The following DISC1 variants were observed in gnomAD, a reference collection of about 807,000 sequenced individuals.
DISC1 encodes disrupted in schizophrenia 1 protein.
In DISC1, 57 loss-of-function variants were observed where a neutral mutation model predicts 84.5. The observed-to-expected ratio is 0.67, with a 90% CI of 0.55 to 0.84. The LOEUF is 0.84. DISC1 is among the 40% of genes least tolerant of loss of function. The pLI is 0.00. For synonymous variants in DISC1, 411 were observed against 415.2 expected (o/e 0.99, Z 0.12); for missense variants, 1,000 against 1,057.8 (o/e 0.95, Z 0.76).
At chr1:231,916,668 AAAAAAG>A (rs1363639699) in intron 9 of DISC1, among the ~76,000 whole-genome samples, 6 of 151,874 alleles carry the variant, frequency 4.0e-5, no homozygotes, top group African/African-American at 1.4e-4. Flanking sequence ...AAAAAAAAAA[AAAAAAG>A]AAAGTTCCGA....
At chr1:231,932,011 T>TG (rs1349191650) in intron 9 of DISC1, among the ~76,000 whole-genome samples, 3 of 151,948 alleles carry the variant, frequency 2.0e-5, no homozygotes, top group Non-Finnish European at 2.9e-5. Flanking sequence ...TTTGCATACG[T>TG]GTTTTTTGCT....
At chr1:231,845,478 GA>G (rs1285578539) in intron 9 of DISC1, among the ~76,000 whole-genome samples, 1 of 152,166 alleles carries the variant, frequency 6.6e-6, no homozygotes, top group East Asian at 1.9e-4. Context: ...GGGGAACACA[GA>G]ATTGCCAGGT....
At chr1:232,033,500 G>A (rs1212391965) in intron 12 of DISC1, among the ~76,000 whole-genome samples, 2 of 152,136 alleles carry the variant, frequency 1.3e-5, no homozygotes, top group Admixed American at 6.6e-5. Flanking sequence ...GTCCTCCCAC[G>A]GCTCCTCCCA....
chr1:231,786,880 C>T (rs772456365), intron 6 of DISC1, among the ~76,000 whole-genome samples: 1 of 152,208 alleles, frequency 6.6e-6, no homozygotes, highest in Non-Finnish European at 1.5e-5. Context: ...TGGCAGGATG[C>T]AGCCTCCTGG....
At chr1:231,773,572 G>T (rs1048114934) in intron 6 of DISC1, among the ~76,000 whole-genome samples, 1 of 152,080 alleles carries the variant, frequency 6.6e-6, no homozygotes. Flanking sequence ...TTTTAGTAGA[G>T]ACAGGGTTTC....
At chr1:231,972,399 C>A (rs971345981) in intron 10 of DISC1, among the ~76,000 whole-genome samples, 2 of 152,140 alleles carry the variant, frequency 1.3e-5, no homozygotes, top group Admixed American at 6.5e-5. Flanking sequence ...GACTATGAAG[C>A]CTTTCAACTG....
At chr1:231,743,311 A>G (rs1415122328) in intron 3 of DISC1, among the ~76,000 whole-genome samples, 2 of 152,228 alleles carry the variant, frequency 1.3e-5, no homozygotes, top group African/African-American at 2.4e-5. Flanking sequence ...CTTATGATGT[A>G]GATACTATTA....
intron 11 of DISC1, among the ~76,000 whole-genome samples, chr1:232,024,148 G>A (rs1669228787): frequency 6.6e-6 from 1 of 151,670 alleles, no homozygotes; most frequent in Non-Finnish European, 1.5e-5. Flanking sequence ...AAACCTTCAA[G>A]GGTGCTTCAC....
chr1:232,018,947 C>G (rs1668713920), intron 11 of DISC1, among the ~76,000 whole-genome samples: 1 of 152,152 alleles, frequency 6.6e-6, no homozygotes, highest in African/African-American at 2.4e-5. Flanking sequence ...CTTCCTGGCT[C>G]TTTATACTTG....
At chr1:231,989,047 A>C (rs1185483228) in intron 10 of DISC1, among the ~76,000 whole-genome samples, 1 of 152,134 alleles carries the variant, frequency 6.6e-6, no homozygotes, top group African/African-American at 2.4e-5. Flanking sequence ...CCTTTCATCC[A>C]TGTGGCTCTC....
At position 232,037,443 on chromosome 1, in the gene DISC1, C is replaced by A. The variant is rs1372465428; in HGVS notation, c.*612C>A. 1 of 152,214 alleles carries A rather than the reference C, an allele frequency of 6.6e-6. No homozygotes were observed. The highest frequency in any genetic ancestry group is 1.5e-5 in the Non-Finnish European group (1 of 68,050). 9.4% of individuals were successfully genotyped at this position (152,214 alleles called of 1,614,324 possible). ...ACAACAACCTCCCAGTGATATGCCA[C>A]CTTTCAATTTTCCTTTTGTGGCAAT... On this transcript the variant is annotated 3_prime_UTR_variant, in exon 13 of 13. Transcript: ENST00000439617.
At chr1:231,722,871 C>A in intron 3 of DISC1, 3 of 1,387,470 alleles carry the variant, frequency 2.2e-6, no homozygotes, top group Non-Finnish European at 2.8e-6. Context: ...CCTGTCATGG[C>A]ATGAAAAAAC....
rs529257748 is a variant in DISC1 at position 231,906,389 on chromosome 1, G to A, written c.1982-52439G>A. On this transcript the variant is annotated intron_variant, in intron 9 of 12. Transcript: ENST00000439617. ...AGTACAATGCCTGATATTTTTGCCTGTTCTTGAGGATAGCATCCCTACTAT... is the reference window on the plus strand; with the variant it reads ...AGTACAATGCCTGATATTTTTGCCTATTCTTGAGGATAGCATCCCTACTAT... Among the ~76,000 whole-genome samples, 3 of 152,290 alleles carry A rather than the reference G, an allele frequency of 2.0e-5. No individual in the cohort carries two copies. The South Asian group carries it at 6.2e-4, about 32-fold the overall frequency.
intron 4 of DISC1, among the ~76,000 whole-genome samples, chr1:231,762,790 A>C (rs1389351404): frequency 2.0e-5 from 3 of 152,114 alleles, no homozygotes. Flanking sequence ...AAACAGCCCC[A>C]GTGTGAGGGT....
Position 231,800,127 on chromosome 1 carries a change from T to G in DISC1, c.1709T>G (p.Phe570Cys). ...ITTKVCMSEK[F>C]CSTLRKKVND... ...CCCTAGGTGTGTATGAGTGAGAAAT[T>G]CTGCAGCACCCTGAGGAAGAAAGTT... is the stretch of plus-strand genomic sequence containing the variant. The change falls in exon 8 of 13, where the codon TTC becomes TGC. Residue 570 changes from phenylalanine to cysteine, a missense_variant. By Grantham distance (205) the Phe-to-Cys change is radical. Coordinates refer to ENST00000439617, the MANE Select transcript of DISC1 (RefSeq NM_018662.3). 1 of 1,611,340 alleles carries G rather than the reference T, an allele frequency of 6.2e-7. No homozygotes were observed. The highest frequency in any genetic ancestry group is 8.5e-7 in the Non-Finnish European group (1 of 1,179,588).
In DISC1 at chr1:231,948,947, G is replaced by A. The variant is rs1317879385; in HGVS notation, c.1982-9881G>A. On this transcript the variant is annotated intron_variant, in intron 9 of 12. Coordinates refer to ENST00000439617, the MANE Select transcript of DISC1 (RefSeq NM_018662.3). ...TGCAGTGGTGCGATCTCGGCTCACTGCAACCTCCGCCTCCTGGGTTCAAGC... is the reference window on the plus strand; with the variant it reads ...TGCAGTGGTGCGATCTCGGCTCACTACAACCTCCGCCTCCTGGGTTCAAGC... 2.9e-5 allele frequency among the ~76,000 whole-genome samples: 4 copies of A among 139,514 alleles called. No individual in the cohort carries two copies. The South Asian group carries it at 6.8e-4, about 24-fold the overall frequency. The allele number at this position is 139,514 out of a possible 152,430, so 91.5% of individuals were successfully genotyped here.
At position 232,039,742 on chromosome 1, in the gene DISC1, T is replaced by G. The variant is rs1360308254; in HGVS notation, c.*2911T>G. On this transcript the variant is annotated 3_prime_UTR_variant, in exon 13 of 13. Coordinates refer to ENST00000439617, the MANE Select transcript of DISC1 (RefSeq NM_018662.3). ...TCCAAGAGAGGTTAGGGCTTAGATTTAAAAGCATCAAAACAACAACAATGG... is the reference window on the plus strand; with the variant it reads ...TCCAAGAGAGGTTAGGGCTTAGATTGAAAAGCATCAAAACAACAACAATGG... 1 of 152,066 alleles carries G rather than the reference T, an allele frequency of 6.6e-6. No individual in the cohort carries two copies. The highest frequency in any genetic ancestry group is 1.5e-5 in the Non-Finnish European group (1 of 68,032). The allele number at this position is 152,066 out of a possible 1,614,324, so 9.4% of individuals were successfully genotyped here.
At chr1:231,951,902 C>CA (rs1044500687) in intron 9 of DISC1, among the ~76,000 whole-genome samples, 1 of 150,452 alleles carries the variant, frequency 6.6e-6, no homozygotes, top group African/African-American at 2.4e-5. Flanking sequence ...CTCATCTCTA[C>CA]AAAAAAATTA....
chr1:231,626,898 G>C lies in DISC1; in HGVS notation c.31G>C (p.Ala11Pro), dbSNP rs1379974862. MPGGGPQGAP[A>P]AAGGGGVSHR... ...AGGCGGGGGTCCTCAGGGCGCCCCAGCCGCCGCCGGCGGCGGCGGCGTGAG... is the reference window on the plus strand; with the variant it reads ...AGGCGGGGGTCCTCAGGGCGCCCCACCCGCCGCCGGCGGCGGCGGCGTGAG... The change falls in exon 1 of 13, where the codon GCC (alanine) becomes CCC (proline). Residue 11 changes from alanine (A) to proline (P), a missense_variant. Physicochemically the swap from Ala to Pro is conservative, Grantham distance 27. Coordinates refer to ENST00000439617, the MANE Select transcript of DISC1 (RefSeq NM_018662.3). 1 of 1,501,988 alleles carries C rather than the reference G, an allele frequency of 6.7e-7. No individual in the cohort carries two copies. Among genetic ancestry groups the C allele is most frequent in the Non-Finnish European group, 8.8e-7 (1 of 1,133,862 alleles). 93.0% of individuals were successfully genotyped at this position (1,501,988 alleles called of 1,614,324 possible).
Sources: gnomAD v4.1 joint callset for allele counts (sites outside exome capture counted in the v4.1 genomes callset) on GRCh38, gnomAD v4.1.1 for gene constraint, MANE v1.5 for transcripts, NCBI Gene and HGNC (gene_info 2026-07-23, HGNC 2026-07-21) for gene names.